IKBKB: variants seen among roughly 807,000 people sequenced by gnomAD.
IKBKB encodes inhibitor of nuclear factor kappa B kinase subunit beta, also known as inhibitor of nuclear factor kappa-B kinase subunit beta.
IKBKB carries 42 observed loss-of-function variants against 113.6 expected under a neutral mutation model. The ratio of observed to expected loss-of-function variants is 0.37; its 90% CI spans 0.29 to 0.48. IKBKB has a LOEUF of 0.48. IKBKB is among the 20% of genes least tolerant of loss of function. The pLI, the probability that IKBKB is intolerant of heterozygous loss-of-function variation, is 0.99. For synonymous variants in IKBKB, 296 were observed against 361.3 expected (o/e 0.82, Z 2.05); for missense variants, 673 against 939.7 (o/e 0.72, Z 3.71).
chr8:42,296,746 A>G (rs953876675), intron 5 of IKBKB, among the ~76,000 whole-genome samples: 5 of 152,208 alleles, frequency 3.3e-5, no homozygotes, highest in African/African-American at 1.2e-4. Flanking sequence ...ATGTCCACAC[A>G]TCATGAACAG....
intron 7 of IKBKB, among the ~76,000 whole-genome samples, chr8:42,307,751 C>G (rs1337117488): frequency 3.3e-5 from 5 of 152,162 alleles, no homozygotes; most frequent in Admixed American, 1.3e-4. Flanking sequence ...ACCCCATGCT[C>G]TAACCAGGAG....
At chr8:42,301,772 C>G (rs957347361) in intron 5 of IKBKB, among the ~76,000 whole-genome samples, 6 of 152,204 alleles carry the variant, frequency 3.9e-5, no homozygotes, top group African/African-American at 1.4e-4. Flanking sequence ...GGTGACAACT[C>G]TAATCCACGT....
intron 2 of IKBKB, among the ~76,000 whole-genome samples, chr8:42,278,926 G>A (rs1809754193): frequency 6.6e-6 from 1 of 152,148 alleles, no homozygotes; most frequent in Non-Finnish European, 1.5e-5. Flanking sequence ...CCCAGGAGGT[G>A]GAGGTTGCAG....
intron 1 of IKBKB, 70 bp downstream of exon 1, chr8:42,271,539 C>G (rs959461839): frequency 1.7e-6 from 1 of 595,366 alleles, no homozygotes; most frequent in Non-Finnish European, 2.9e-6. Flanking sequence ...CTGCAAGGCC[C>G]GGAAGACCCC....
At chr8:42,280,106 C>T (rs1398971159) in intron 2 of IKBKB, among the ~76,000 whole-genome samples, 1 of 152,174 alleles carries the variant, frequency 6.6e-6, no homozygotes, top group Non-Finnish European at 1.5e-5. Context: ...CCTTGGCCTC[C>T]CAAAGTGCTG....
rs182224009 is a variant in IKBKB at position 42,297,260 on chromosome 8, G to A, written c.388+3748G>A. Among the ~76,000 whole-genome samples, 14 of 152,318 alleles carry A rather than the reference G, an allele frequency of 9.2e-5. No homozygotes were observed. The East Asian group carries it at 2.3e-3, about 25-fold the overall frequency. On this transcript the variant is annotated intron_variant, in intron 5 of 21. Coordinates refer to ENST00000520810, the MANE Select transcript of IKBKB (RefSeq NM_001556.3). ...CTTTTTGCAAGGATCTGGTGACTGA[G>A]CCGGAGTTCATCTAACATAGCTCTT...
At chr8:42,278,685 G>A (rs1809700440) in intron 2 of IKBKB, among the ~76,000 whole-genome samples, 1 of 134,704 alleles carries the variant, frequency 7.4e-6, no homozygotes. Context: ...TGAGAGATGG[G>A]GAGAGGTGGG....
At position 42,321,887 on chromosome 8, in the gene IKBKB, A is replaced by G. The variant is rs1298471283; in HGVS notation, c.1689-9A>G. On this transcript the variant is annotated splice_polypyrimidine_tract_variant and intron_variant, in intron 16 of 21. Transcript: ENST00000520810. ...TCAAGTCTAGACAGAACTTCTTTGT[A>G]TATTTTAGAGAGGAGCAAGCAAGGG... is the stretch of plus-strand genomic sequence containing the variant. 3.8e-6 allele frequency: 6 copies of G among 1,594,834 alleles called. No individual in the cohort carries two copies. Among genetic ancestry groups the G allele is most frequent in the Non-Finnish European group, 5.1e-6 (6 of 1,172,516 alleles).
At chr8:42,307,831 C>A (rs1816846446) in intron 7 of IKBKB, among the ~76,000 whole-genome samples, 1 of 152,196 alleles carries the variant, frequency 6.6e-6, no homozygotes, top group Admixed American at 6.5e-5. Context: ...TTGACCTACC[C>A]ATCCCGGAAT....
Position 42,320,830 on chromosome 8 carries a change from A to G in IKBKB, c.1674A>G (p.Gly558=), listed in dbSNP as rs1484299131. The change falls in exon 16 of 22, where the codon GGA becomes GGG. Residue 558 remains glycine (G), a synonymous_variant. Transcript: ENST00000520810. ...QRSPMGRKQG[G]TLDDLEEQAR... Reference sequence around the variant, plus strand: ...GCCCCATGGGCCGGAAGCAGGGGGGAACGCTGGACGACCTGTGAGTACTGG... The same window carrying G: ...GCCCCATGGGCCGGAAGCAGGGGGGGACGCTGGACGACCTGTGAGTACTGG... The G allele has an allele frequency of 6.3e-7, 1 of 1,594,528 alleles. No individual in the cohort carries two copies. Among genetic ancestry groups the G allele is most frequent in the South Asian group, 1.1e-5 (1 of 87,880 alleles).
Position 42,326,088 on chromosome 8 carries a change from C to T in IKBKB, c.2105C>T (p.Ala702Val), listed in dbSNP as rs1400443884. The change falls in exon 20 of 22, where the codon GCC becomes GTC. Residue 702 changes from alanine to valine, a missense_variant. This residue lies in a region of IKBKB where 506 missense variants were observed against 638.7 expected (regional missense o/e 0.79). Coordinates refer to ENST00000520810, the MANE Select transcript of IKBKB (RefSeq NM_001556.3). ...STASNSLPEP[A>V]KKSEELVAEA... ...GCCTCCAACAGCTTACCTGAGCCAG[C>T]CAAGAAGAGGTAGGTCCTCCTTAGC... The T allele has an allele frequency of 1.2e-5, 20 of 1,614,194 alleles. No homozygotes were observed. Among genetic ancestry groups the T allele is most frequent in the South Asian group, 3.3e-5 (3 of 91,086 alleles).
At chr8:42,323,752 A>G (rs1820212607) in intron 19 of IKBKB, among the ~76,000 whole-genome samples, 1 of 152,190 alleles carries the variant, frequency 6.6e-6, no homozygotes, top group South Asian at 2.1e-4. Flanking sequence ...GTAAGAAGAG[A>G]GGAACGGGAG....
chr8:42,324,572 T>G (rs926755349), intron 19 of IKBKB: 10 of 152,714 alleles, frequency 6.5e-5, no homozygotes, highest in African/African-American at 2.4e-4. Flanking sequence ...TATGTCCATT[T>G]TCAAAGCACA....
chr8:42,286,554 C>T (rs1479149338), intron 2 of IKBKB, among the ~76,000 whole-genome samples: 1 of 152,232 alleles, frequency 6.6e-6, no homozygotes, highest in Middle Eastern at 3.4e-3. Flanking sequence ...CAACCTCTGC[C>T]TCTTGGGCTT....
intron 3 of IKBKB, among the ~76,000 whole-genome samples, chr8:42,289,307 A>G (rs541649015): frequency 6.6e-6 from 1 of 152,356 alleles, no homozygotes; most frequent in Admixed American, 6.5e-5. Context: ...TAAAGACACC[A>G]GAGGAAGAGC....
At chr8:42,280,494 G>A (rs891146957) in intron 2 of IKBKB, among the ~76,000 whole-genome samples, 1 of 152,184 alleles carries the variant, frequency 6.6e-6, no homozygotes, top group Admixed American at 6.5e-5. Context: ...CGGGAAACAC[G>A]ATACTCAGTC....
intron 20 of IKBKB, 58 bp downstream of exon 20, chr8:42,326,155 G>A: frequency 2.5e-6 from 4 of 1,599,658 alleles, no homozygotes; most frequent in Non-Finnish European, 3.4e-6. Flanking sequence ...GGAGATCGGG[G>A]ATGGAGGCGT....
rs149701177 is a variant in IKBKB at position 42,320,825 on chromosome 8, G to C, written c.1669G>C (p.Gly557Arg). 3 of 1,599,808 alleles carry C rather than the reference G, an allele frequency of 1.9e-6. No individual in the cohort carries two copies. Among genetic ancestry groups the C allele is most frequent in the East Asian group, 2.2e-5 (1 of 44,542 alleles). The stretch of plus-strand genomic sequence containing the variant: ...GAGGAGCCCCATGGGCCGGAAGCAG[G>C]GGGGAACGCTGGACGACCTGTGAGT... ...LQRSPMGRKQ[G>R]GTLDDLEEQA... The change falls in exon 16 of 22, where the codon GGG (glycine) becomes CGG (arginine). Residue 557 changes from glycine to arginine, a missense_variant. Physicochemically the swap from Gly to Arg is moderately radical, Grantham distance 125 (BLOSUM62 -2). Transcript: ENST00000520810.
intron 21 of IKBKB, 47 bp downstream of exon 21, chr8:42,329,261 A>G (rs1227507276): frequency 6.6e-7 from 1 of 1,523,662 alleles, no homozygotes; most frequent in Non-Finnish European, 8.8e-7. Context: ...CTTTCTTTCT[A>G]TGGCAAAATA....
Sources: allele counts gnomAD v4.1 joint callset (sites outside exome capture counted in the v4.1 genomes callset), GRCh38; gene constraint gnomAD v4.1.1; regional missense constraint gnomAD v4.1.1; transcripts MANE v1.5; gene names NCBI Gene and HGNC (gene_info 2026-07-23, HGNC 2026-07-21).